Variants in TULP2 observed in about 807,000 individuals in gnomAD.
The protein encoded by TULP2 is tubby-related protein 2.
In TULP2, 64 loss-of-function variants were observed where a neutral mutation model predicts 60.3. The ratio of observed to expected loss-of-function variants is 1.06; its 90% CI spans 0.87 to 1.31. TULP2 has a LOEUF of 1.31. TULP2 is among the 50% of genes most tolerant of loss of function. TULP2 has a pLI of 0.00. For synonymous variants in TULP2, 267 were observed against 265.4 expected (o/e 1.01, Z -0.06); for missense variants, 652 against 667.0 (o/e 0.98, Z 0.25).
At chr19:48,887,343 T>TTTTTTTTTTTTTTTTTTTTTTTA (rs1568571174) in intron 8 of TULP2, among the ~76,000 whole-genome samples, 1 of 88,782 alleles carries the variant, frequency 1.1e-5, no homozygotes, top group East Asian at 3.0e-4. Context: ...TTTTTTTTTT[T>TTTTTTTTTTTTTTTTTTTTTTTA]ATGCAGAGTC....
At position 48,897,483 on chromosome 19, in the gene TULP2, C is replaced by T; in HGVS notation, c.33-87G>A. On this transcript the variant is annotated intron_variant, in intron 2 of 12. Coordinates refer to ENST00000221399, the MANE Select transcript of TULP2 (RefSeq NM_003323.3). This position sits in a 1 kb window ranked among gnomAD's most constrained non-coding sequence, Gnocchi z 4.0. ...CCTCCTTCCCCCATCCTGCCCCTAT[C>T]TCAGCTTGGGTTCTGGGCACCTGTG... 2 of 1,433,722 alleles carry T rather than the reference C, an allele frequency of 1.4e-6. No individual in the cohort carries two copies. Among genetic ancestry groups the T allele is most frequent in the East Asian group, 4.8e-5 (2 of 41,640 alleles). The allele number at this position is 1,433,722 out of a possible 1,614,324, so 88.8% of individuals were successfully genotyped here.
intron 7 of TULP2, 59 bp from the exon 8 acceptor site, chr19:48,888,320 A>G (rs371438357): frequency 6.6e-7 from 1 of 1,510,276 alleles, no homozygotes. Flanking sequence ...CTTGCTTACT[A>G]CTGATTGACC....
At position 48,882,152 on chromosome 19, in the gene TULP2, G is replaced by C. The variant is rs764991057; in HGVS notation, c.1327C>G (p.Leu443Val). 6.2e-7 allele frequency: 1 copy of C among 1,614,214 alleles called. No homozygotes were observed. Among genetic ancestry groups the C allele is most frequent in the Non-Finnish European group, 8.5e-7 (1 of 1,180,042 alleles). ...RYQRGDKQGL[L>V]LLHNKTPSWD... Reference sequence around the variant, plus strand: ...GACGGGGTTTTGTTGTGCAACAAAAGCAACCCTTGTTTGTCCCCACGTTGG... The same window carrying C: ...GACGGGGTTTTGTTGTGCAACAAAACCAACCCTTGTTTGTCCCCACGTTGG... The change falls in exon 12 of 13, where the codon CTT becomes GTT. Residue 443 changes from leucine (L) to valine (V), a missense_variant. Physicochemically the swap from Leu to Val is conservative, Grantham distance 32. Coordinates refer to ENST00000221399, the MANE Select transcript of TULP2 (RefSeq NM_003323.3).
intron 11 of TULP2, among the ~76,000 whole-genome samples, chr19:48,883,360 C>T (rs2037151918): frequency 6.6e-6 from 1 of 152,072 alleles, no homozygotes; most frequent in Non-Finnish European, 1.5e-5. Flanking sequence ...ATAAAAATAG[C>T]CAACCAGCTG....
chr19:48,881,662 G>T (rs1005490053), intron 12 of TULP2, among the ~76,000 whole-genome samples: 1 of 152,036 alleles, frequency 6.6e-6, no homozygotes, highest in African/African-American at 2.4e-5. Context: ...GATTACAGGT[G>T]TGAGCCACAG....
chr19:48,889,626 G>A lies in TULP2; in HGVS notation c.520C>T (p.Arg174Cys), dbSNP rs533360637. ...TGGGAGTCACTCTCACCCTCTGCACGGGTCCCTAATGTGGGGAAAAGCAAG... is the reference window on the plus strand; with the variant it reads ...TGGGAGTCACTCTCACCCTCTGCACAGGTCCCTAATGTGGGGAAAAGCAAG... Reference protein sequence around the residue: ...GWQAHQRPGTRAEGESDSQDM... With the variant: ...GWQAHQRPGTCAEGESDSQDM... Residue 174 changes from arginine (R) to cysteine (C), a missense_variant, in exon 7 of 13, where the codon CGT (arginine) becomes TGT (cysteine). Transcript: ENST00000221399. 22 of 1,577,698 alleles carry A rather than the reference G, an allele frequency of 1.4e-5. No homozygotes were observed. Among genetic ancestry groups the A allele is most frequent in the South Asian group, 2.3e-5 (2 of 87,418 alleles).
chr19:48,893,490 G>T (rs2037252250), intron 6 of TULP2, among the ~76,000 whole-genome samples: 1 of 152,170 alleles, frequency 6.6e-6, no homozygotes, highest in Non-Finnish European at 1.5e-5. Flanking sequence ...GTGGAGGTTG[G>T]TGGTTGCCAA....
At position 48,884,029 on chromosome 19, in the gene TULP2, G is replaced by C. The variant is rs147489964; in HGVS notation, c.1079C>G (p.Thr360Ser). ...CCCATTGTCAAAGATGGTGAACTTG[G>C]TGCTGAAGACATTGGATCTGCTCCA... ...VGKVRSNVFS[T>S]KFTIFDNGVN... Residue 360 changes from threonine to serine, a missense_variant, in exon 10 of 13, where the codon ACC becomes AGC. Physicochemically the swap from Thr to Ser is moderately conservative, Grantham distance 58. Transcript: ENST00000221399. 5.0e-6 allele frequency: 8 copies of C among 1,613,990 alleles called. No homozygotes were observed. Among genetic ancestry groups the C allele is most frequent in the Non-Finnish European group, 6.8e-6 (8 of 1,179,974 alleles).
In TULP2 at chr19:48,882,053, G is replaced by A; in HGVS notation, c.1426C>T (p.Gln476Ter). 1 of 1,614,196 alleles carries A rather than the reference G, an allele frequency of 6.2e-7. No homozygotes were observed. Among genetic ancestry groups the A allele is most frequent in the South Asian group, 1.1e-5 (1 of 91,086 alleles). Residue 476 changes from glutamine (Q) to a stop codon, truncating the protein, a stop_gained, in exon 12 of 13, where the codon CAA becomes TAA. Coordinates refer to ENST00000221399, the MANE Select transcript of TULP2 (RefSeq NM_003323.3). LOFTEE classifies it low-confidence loss of function (END_TRUNC). ...RVTRASVKNFQIVDPKHQEHL... is the reference protein window; with the variant it reads ...RVTRASVKNF ...TCACGGTGTTTGGGATCCACGATTT[G>A]GAAGTTCTTCACCGAAGCCCGAGTG... is the stretch of plus-strand genomic sequence containing the variant.
At position 48,882,106 on chromosome 19, in the gene TULP2, A is replaced by G. The variant is rs777939515; in HGVS notation, c.1373T>C (p.Val458Ala). ...KTPSWDKENG[V>A]YTLNFHGRVT... Reference sequence around the variant, plus strand: ...TCGACCATGGAAATTGAGCGTGTAGACACCGTTCTCCTTGTCCCACGACGG... The same window carrying G: ...TCGACCATGGAAATTGAGCGTGTAGGCACCGTTCTCCTTGTCCCACGACGG... The change falls in exon 12 of 13, where the codon GTC (valine) becomes GCC (alanine). Residue 458 changes from valine to alanine, a missense_variant. Transcript: ENST00000221399. 4 of 1,614,184 alleles carry G rather than the reference A, an allele frequency of 2.5e-6. No individual in the cohort carries two copies. The South Asian group carries it at 3.3e-5, about 13-fold the overall frequency.
rs776582681 is a variant in TULP2, at chr19:48,896,407, C to G, written c.211+23G>C. 4 of 1,576,352 alleles carry G rather than the reference C, an allele frequency of 2.5e-6. No homozygotes were observed. In the African/African-American group the frequency reaches 4.1e-5, roughly 16 times the overall value. ...CACAGGCCCCTCCCCTCCAGGCGAA[C>G]GCCCCCAGGGGTCTTTGGTCACCTC... On this transcript the variant is annotated intron_variant, in intron 4 of 12. Coordinates refer to ENST00000221399, the MANE Select transcript of TULP2 (RefSeq NM_003323.3).
Position 48,884,028 on chromosome 19 carries a change from G to A in TULP2, c.1080C>T (p.Thr360=), listed in dbSNP as rs771417636. ...CCCCATTGTCAAAGATGGTGAACTTGGTGCTGAAGACATTGGATCTGCTCC... is the reference window on the plus strand; with the variant it reads ...CCCCATTGTCAAAGATGGTGAACTTAGTGCTGAAGACATTGGATCTGCTCC... ...VGKVRSNVFS[T]KFTIFDNGVN... The change falls in exon 10 of 13, where the codon ACC becomes ACT. Residue 360 remains threonine, a synonymous_variant. Coordinates refer to ENST00000221399, the MANE Select transcript of TULP2 (RefSeq NM_003323.3). 5 of 1,613,910 alleles carry A rather than the reference G, an allele frequency of 3.1e-6. No homozygotes were observed. The Admixed American group carries it at 5.0e-5, about 16-fold the overall frequency.
At chr19:48,883,681 C>A in intron 11 of TULP2, 73 bp downstream of exon 11, 2 of 1,543,080 alleles carry the variant, frequency 1.3e-6, no homozygotes, top group South Asian at 2.3e-5. Flanking sequence ...TCTTCTTCCT[C>A]CTCTGGGATC....
At chr19:48,886,175 G>A (rs1304241038) in intron 8 of TULP2, among the ~76,000 whole-genome samples, 2 of 152,060 alleles carry the variant, frequency 1.3e-5, no homozygotes, top group African/African-American at 4.8e-5. Flanking sequence ...GCGTGGTGGC[G>A]GGCGCCTGTA....
intron 9 of TULP2, 55 bp from the exon 10 acceptor site, chr19:48,884,101 A>C (rs1405025441): frequency 5.3e-5 from 76 of 1,434,490 alleles, no homozygotes; most frequent in Non-Finnish European, 7.3e-5. Flanking sequence ...CTCTTTGAGT[A>C]AGTGTCACTC....
rs1243109204 is a variant in TULP2, at chr19:48,889,398, C to T, written c.636+112G>A. 2.7e-6 allele frequency: 4 copies of T among 1,477,984 alleles called. No homozygotes were observed. In the Admixed American group the frequency reaches 8.2e-5, roughly 30 times the overall value. The allele number at this position is 1,477,984 out of a possible 1,614,324, so 91.6% of individuals were successfully genotyped here. On this transcript the variant is annotated intron_variant, in intron 7 of 12. Coordinates refer to ENST00000221399, the MANE Select transcript of TULP2 (RefSeq NM_003323.3). ...CACAAGTCTCTGCCAGCTTAATCAC[C>T]ACCAGGAAAAAGAGCTTCTGATTGG... is the stretch of plus-strand genomic sequence containing the variant.
chr19:48,882,055 A>C lies in TULP2; in HGVS notation c.1424T>G (p.Phe475Cys). The C allele has an allele frequency of 1.9e-6, 3 of 1,614,152 alleles. No homozygotes were observed. Among genetic ancestry groups the C allele is most frequent in the Non-Finnish European group, 2.5e-6 (3 of 1,180,030 alleles). The change falls in exon 12 of 13, where the codon TTC (phenylalanine) becomes TGC (cysteine). Residue 475 changes from phenylalanine (F) to cysteine (C), a missense_variant. Physicochemically the swap from Phe to Cys is radical, Grantham distance 205 (BLOSUM62 -2). Coordinates refer to ENST00000221399, the MANE Select transcript of TULP2 (RefSeq NM_003323.3). ...ACGGTGTTTGGGATCCACGATTTGGAAGTTCTTCACCGAAGCCCGAGTGAC... is the reference window on the plus strand; with the variant it reads ...ACGGTGTTTGGGATCCACGATTTGGCAGTTCTTCACCGAAGCCCGAGTGAC... ...GRVTRASVKN[F>C]QIVDPKHQEH...
intron 11 of TULP2, among the ~76,000 whole-genome samples, chr19:48,882,744 C>A (rs1332735634): frequency 6.6e-6 from 1 of 152,144 alleles, no homozygotes; most frequent in Non-Finnish European, 1.5e-5. Flanking sequence ...GGTAAAAACA[C>A]CTTCAAATAA....
chr19:48,893,849 C>T (rs2037255116), intron 6 of TULP2, among the ~76,000 whole-genome samples: 1 of 151,960 alleles, frequency 6.6e-6, no homozygotes, highest in South Asian at 2.1e-4. Flanking sequence ...CCACCGCGCC[C>T]AGCCATGATG....
Sources: gnomAD v4.1 joint callset for allele counts (sites outside exome capture counted in the v4.1 genomes callset) on GRCh38, gnomAD v4.1.1 for gene constraint, Gnocchi (gnomAD v3.1) non-coding constraint, MANE v1.5 for transcripts, NCBI Gene and HGNC (gene_info 2026-07-23, HGNC 2026-07-21) for gene names.